MYOZ1: variants seen among roughly 807,000 people sequenced by gnomAD.
MYOZ1 encodes the protein myozenin-1.
Under a neutral mutation model 28.7 loss-of-function variants are expected in MYOZ1, and 20 were observed. The observed-to-expected ratio is 0.70, with a 90% confidence interval of 0.49 to 1.01. The LOEUF is 1.01. MYOZ1 is among the 50% of genes least tolerant of loss of function. The probability of loss-of-function intolerance (pLI) is 0.00; values close to 1 mark genes in which losing one functional copy is unlikely to be tolerated. For missense variants in MYOZ1, 371 were observed against 372.4 expected, an observed-to-expected ratio of 1.00 and a Z score of 0.03; for synonymous variants, 144 against 145.8, an observed-to-expected ratio of 0.99 and a Z score of 0.09.
At position 73,634,521 on chromosome 10, in the gene MYOZ1, TCCTCCTCTGCCAG is replaced by T; in HGVS notation, c.452_464del (p.Ala151GlufsTer84). 6.2e-7 allele frequency: 1 copy of T among 1,614,100 alleles called. No homozygotes were observed. Among genetic ancestry groups the T allele is most frequent in the Non-Finnish European group, 8.5e-7 (1 of 1,180,008 alleles). ...CACCAACCCCTGCTGTGCCAGCAGC[TCCTCCTCTGCCAG>T]CCTGGCCCGCGGGACCACCTGTACC... On this transcript the variant is annotated frameshift_variant, in exon 4 of 6. Transcript: ENST00000359322. LOFTEE classifies it high-confidence loss of function.
chr10:73,641,049 T>A (rs2081700897), intron 1 of MYOZ1, among the ~76,000 whole-genome samples: 1 of 152,182 alleles, frequency 6.6e-6, no homozygotes, highest in South Asian at 2.1e-4. Context: ...GATCTGGCAA[T>A]GGAAAGGGAC....
rs1200903552 is a variant in MYOZ1, at chr10:73,634,664, T to A, written c.322A>T (p.Ser108Cys). Residue 108 changes from serine to cysteine, a missense_variant, in exon 4 of 6, where the codon AGC becomes TGC. Ser to Cys is a moderately radical substitution (Grantham distance 112, BLOSUM62 -1). Transcript: ENST00000359322. ...LGTAGQGFSY[S>C]KSNGRGGSQA... ...CTGCCGCCTCTGCCGTTGCTCTTGC[T>A]GTATGAGAATCCCTGACCAGCTGTG... 4.3e-6 allele frequency: 7 copies of A among 1,614,236 alleles called. No homozygotes were observed. The highest frequency in any genetic ancestry group is 3.4e-6 in the Non-Finnish European group (4 of 1,180,048).
chr10:73,638,486 C>T (rs1369774104), intron 2 of MYOZ1, among the ~76,000 whole-genome samples: 8 of 151,296 alleles, frequency 5.3e-5, no homozygotes, highest in African/African-American at 1.9e-4. Flanking sequence ...GCCTGCACCA[C>T]CATCCCTGGC....
intron 5 of MYOZ1, 91 bp downstream of exon 5, chr10:73,633,809 C>T (rs2081650134): frequency 1.4e-6 from 2 of 1,388,498 alleles, no homozygotes; most frequent in Non-Finnish European, 1.9e-6. Flanking sequence ...TCCTTAGCCT[C>T]CTTCTGAAAC....
rs145180894 is a variant in MYOZ1 at position 73,634,499 on chromosome 10, C to A, written c.487G>T (p.Gly163Cys). The A allele has an allele frequency of 1.2e-6, 2 of 1,614,068 alleles. No individual in the cohort carries two copies. Among genetic ancestry groups the A allele is most frequent in the Non-Finnish European group, 1.7e-6 (2 of 1,180,024 alleles). The change falls in exon 4 of 6, where the codon GGT becomes TGT. Residue 163 changes from glycine (G) to cysteine (C), a missense_variant. Gly to Cys is a radical substitution (Grantham distance 159, BLOSUM62 -3). Transcript: ENST00000359322. The part of the protein sequence containing the change: ...RGGAAGTAGV[G>C]ETGSGDQAGG... ...GTGTACTTGCCTGATCCTGTCTCAC[C>A]AACCCCTGCTGTGCCAGCAGCTCCT...
intron 3 of MYOZ1, among the ~76,000 whole-genome samples, 175 bp downstream of exon 3, chr10:73,637,569 G>T (rs1417643211): frequency 6.6e-6 from 1 of 152,164 alleles, no homozygotes; most frequent in Non-Finnish European, 1.5e-5. Flanking sequence ...CTGGGTTTCA[G>T]AGGTGGGCTG....
intron 5 of MYOZ1, among the ~76,000 whole-genome samples, chr10:73,632,783 CAA>C (rs778322709): frequency 1.3e-4 from 15 of 119,852 alleles, no homozygotes; most frequent in Non-Finnish European, 9.1e-5. Flanking sequence ...GACTCTGTCT[CAA>C]AAAAAAAAAA....
intron 5 of MYOZ1, 87 bp downstream of exon 5, chr10:73,633,813 C>G: frequency 7.0e-7 from 1 of 1,422,760 alleles, no homozygotes; most frequent in South Asian, 1.4e-5. Flanking sequence ...TAGCCTCCTT[C>G]TGAAACATTT....
At chr10:73,639,653 A>C (rs897932794) in intron 2 of MYOZ1, among the ~76,000 whole-genome samples, 8 of 152,066 alleles carry the variant, frequency 5.3e-5, no homozygotes, top group African/African-American at 1.9e-4. Context: ...TCTCCATTAT[A>C]TTTTCTTCCT....
chr10:73,638,175 G>A (rs1252141958), intron 2 of MYOZ1, among the ~76,000 whole-genome samples: 1 of 151,792 alleles, frequency 6.6e-6, no homozygotes, highest in Non-Finnish European at 1.5e-5. Context: ...AAGAGGTACG[G>A]GCATGGGGTA....
intron 1 of MYOZ1, among the ~76,000 whole-genome samples, chr10:73,640,864 G>C (rs1433989978): frequency 6.6e-6 from 1 of 152,146 alleles, no homozygotes. Context: ...CATCAGGCCA[G>C]CTGGAACATG....
intron 3 of MYOZ1, among the ~76,000 whole-genome samples, chr10:73,637,098 C>T (rs1170986726): frequency 1.3e-5 from 2 of 149,914 alleles, no homozygotes; most frequent in Non-Finnish European, 3.0e-5. Context: ...ACTGCAACTC[C>T]ACCTCCTGGG....
chr10:73,639,829 C>A (rs1268079498), intron 2 of MYOZ1, 116 bp downstream of exon 2: 9 of 1,032,166 alleles, frequency 8.7e-6, no homozygotes, highest in Non-Finnish European at 1.3e-5. Flanking sequence ...CCATCACCCG[C>A]CTTCCCACCA....
chr10:73,637,917 G>T lies in MYOZ1; in HGVS notation c.79C>A (p.Gln27Lys), dbSNP rs1259833740. Residue 27 changes from glutamine to lysine, a missense_variant, in exon 3 of 6, where the codon CAG (glutamine) becomes AAG (lysine). Gln to Lys is a moderately conservative substitution (Grantham distance 53). Transcript: ENST00000359322. ...KLIMELTGGGQESSGLNLGKK... is the reference protein window; with the variant it reads ...KLIMELTGGGKESSGLNLGKK... ...CCCAGGTTCAAGCCTGAGCTCTCCT[G>T]TCCACCTTTCAGGGAGGCAAAGAAG... is the stretch of plus-strand genomic sequence containing the variant. 6.2e-7 allele frequency: 1 copy of T among 1,605,326 alleles called. No individual in the cohort carries two copies. The highest frequency in any genetic ancestry group is 1.7e-5 in the Admixed American group (1 of 57,318).
intron 2 of MYOZ1, 91 bp from the exon 3 acceptor site, chr10:73,638,013 G>T: frequency 8.4e-7 from 1 of 1,195,994 alleles, no homozygotes; most frequent in Non-Finnish European, 1.2e-6. Flanking sequence ...AACTAAGTGT[G>T]TATGTGTGTC....
chr10:73,641,210 G>A (rs2081702089), intron 1 of MYOZ1, among the ~76,000 whole-genome samples: 1 of 150,904 alleles, frequency 6.6e-6, no homozygotes, highest in African/African-American at 2.4e-5. Flanking sequence ...TGCCTCCCCC[G>A]ACATCTCCAT....
rs745487484 is a variant in MYOZ1 at position 73,639,921 on chromosome 10, T to A, written c.73+24A>T. The A allele has an allele frequency of 1.9e-6, 3 of 1,609,944 alleles. No homozygotes were observed. In the South Asian group the frequency reaches 3.3e-5, roughly 18 times the overall value. ...GGGATGCTCTTAAGAAGTCCCACACTAGGGAGATGCAAACATGTCCTACCT... is the reference window on the plus strand; with the variant it reads ...GGGATGCTCTTAAGAAGTCCCACACAAGGGAGATGCAAACATGTCCTACCT... On this transcript the variant is annotated intron_variant, in intron 2 of 5. Coordinates refer to ENST00000359322, the MANE Select transcript of MYOZ1 (RefSeq NM_021245.4).
At position 73,633,954 on chromosome 10, in the gene MYOZ1, T is replaced by A; in HGVS notation, c.614A>T (p.Asp205Val). ...DPQQKMELGI[D>V]LLAYGAKAEL... ...AGCTTTGGCCCCATAGGCCAGCAGG[T>A]CAATGCCAAGTTCCATTTTTTGCTG... The change falls in exon 5 of 6, where the codon GAC (aspartate) becomes GTC (valine). Residue 205 changes from aspartate to valine, a missense_variant. Transcript: ENST00000359322. The A allele has an allele frequency of 1.2e-6, 2 of 1,614,018 alleles. No individual in the cohort carries two copies.
intron 5 of MYOZ1, among the ~76,000 whole-genome samples, chr10:73,633,456 C>T (rs1043959090): frequency 5.1e-4 from 78 of 151,478 alleles, no homozygotes; most frequent in Middle Eastern, 3.5e-3. Flanking sequence ...AGGCCGGGCA[C>T]GGTGGCTCAC....
Sources: gnomAD v4.1 joint callset for allele counts (sites outside exome capture counted in the v4.1 genomes callset) on GRCh38, gnomAD v4.1.1 for gene constraint, MANE v1.5 for transcripts, NCBI Gene and HGNC (gene_info 2026-07-23, HGNC 2026-07-21) for gene names.